The following APCDD1L variants were observed in gnomAD, a reference collection of about 807,000 sequenced individuals.
The protein encoded by APCDD1L is protein APCDD1-like.
APCDD1L carries 21 observed loss-of-function variants against 24.2 expected under a neutral mutation model. The ratio of observed to expected loss-of-function variants is 0.87; its 90% CI spans 0.61 to 1.25. The LOEUF (loss-of-function observed/expected upper bound fraction) is 1.25. Ranked by LOEUF, APCDD1L falls within the 50% of genes most tolerant of loss-of-function variation. The probability of loss-of-function intolerance (pLI) is 0.00; values close to 1 mark genes in which losing one functional copy is unlikely to be tolerated. For missense variants in APCDD1L, 704 were observed against 711.7 expected, an observed-to-expected ratio of 0.99 and a Z score of 0.12; for synonymous variants, 321 against 323.6, an observed-to-expected ratio of 0.99 and a Z score of 0.09.
At chr20:58,463,108 C>CCGCAG (rs1266495239) in intron 3 of APCDD1L, among the ~76,000 whole-genome samples, 2 of 141,608 alleles carry the variant, frequency 1.4e-5, no homozygotes, top group African/African-American at 2.7e-5. Flanking sequence ...TGCCACTGCA[C>CCGCAG]TCCAGCCTGG....
intron 2 of APCDD1L, among the ~76,000 whole-genome samples, chr20:58,468,029 C>T (rs956660194): frequency 3.3e-5 from 5 of 152,172 alleles, no homozygotes; most frequent in African/African-American, 9.7e-5. Context: ...CGCCCCACTC[C>T]CTCCCGCGTC....
rs1030881655 is a variant in APCDD1L, at chr20:58,501,571, C to T, written c.49+13088G>A. Among the ~76,000 whole-genome samples, 6 of 152,270 alleles carry T rather than the reference C, an allele frequency of 3.9e-5. No individual in the cohort carries two copies. In the East Asian group the frequency reaches 9.7e-4, roughly 25 times the overall value. ...CCAGAGCTGGGCAAGAAAGAATTTCCGATTTGTGTGAAGCCAGACAGTCTG... is the reference window on the plus strand; with the variant it reads ...CCAGAGCTGGGCAAGAAAGAATTTCTGATTTGTGTGAAGCCAGACAGTCTG... On this transcript the variant is annotated intron_variant, in intron 1 of 3. Coordinates refer to ENST00000371149, the MANE Select transcript of APCDD1L (RefSeq NM_153360.3).
rs1306970319 is a variant in APCDD1L, at chr20:58,459,422, CCA to C, written c.*1366_*1367del. The C allele has an allele frequency of 2.6e-5, 4 of 152,020 alleles. No individual in the cohort carries two copies. Among genetic ancestry groups the C allele is most frequent in the South Asian group, 2.1e-4 (1 of 4,824 alleles). The allele number at this position is 152,020 out of a possible 1,614,324, so 9.4% of individuals were successfully genotyped here. ...GCAATTTCAGCAGGCTGACTGAACCCCACACAGTCTCAGGGAGGAAAAGGGCT... is the reference window on the plus strand; with the variant it reads ...GCAATTTCAGCAGGCTGACTGAACCCCACAGTCTCAGGGAGGAAAAGGGCT... On this transcript the variant is annotated 3_prime_UTR_variant, in exon 4 of 4. Transcript: ENST00000371149.
intron 1 of APCDD1L, among the ~76,000 whole-genome samples, chr20:58,482,995 T>G (rs1990051255): frequency 6.6e-6 from 1 of 152,164 alleles, no homozygotes; most frequent in South Asian, 2.1e-4. Context: ...AAGCCAATTA[T>G]TCTGCCCAGT....
rs1031341117 is a variant in APCDD1L at position 58,467,947 on chromosome 20, G to C, written c.189-289C>G. On this transcript the variant is annotated intron_variant, in intron 2 of 3. Transcript: ENST00000371149. The surrounding 1 kb of genome is among the most constrained non-coding windows in gnomAD (Gnocchi z 5.9). ...GCCTTTTGCAACCACCTGGGGACCC[G>C]CTGGCCTGGGAGCTCCGGGATGCCC... 3.3e-5 allele frequency among the ~76,000 whole-genome samples: 5 copies of C among 152,112 alleles called. No homozygotes were observed. Among genetic ancestry groups the C allele is most frequent in the African/African-American group, 1.2e-4 (5 of 41,424 alleles).
chr20:58,470,423 C>T (rs184214647), intron 2 of APCDD1L, among the ~76,000 whole-genome samples, 186 bp downstream of exon 2: 34 of 152,330 alleles, frequency 2.2e-4, no homozygotes, highest in Admixed American at 2.1e-3. Context: ...GGACGTGATG[C>T]CCAACAGAGT....
chr20:58,504,467 C>T (rs548561497), intron 1 of APCDD1L, among the ~76,000 whole-genome samples: 108 of 152,280 alleles, frequency 7.1e-4, no homozygotes, highest in African/African-American at 2.2e-3. Context: ...AGCATCCTAG[C>T]CCAGTAGCGT....
intron 1 of APCDD1L, 54 bp from the exon 2 acceptor site, chr20:58,470,801 C>T (rs761038254): frequency 3.4e-6 from 5 of 1,487,344 alleles, no homozygotes; most frequent in Non-Finnish European, 4.5e-6. Flanking sequence ...GAACACCCAC[C>T]CCATCTGCCC....
chr20:58,475,145 A>T (rs1989882434), intron 1 of APCDD1L, among the ~76,000 whole-genome samples: 1 of 152,242 alleles, frequency 6.6e-6, no homozygotes, highest in South Asian at 2.1e-4. Flanking sequence ...AAGAGAGAAG[A>T]GGGTGGAGAA....
At chr20:58,474,918 C>T (rs370973618) in intron 1 of APCDD1L, among the ~76,000 whole-genome samples, 10 of 152,224 alleles carry the variant, frequency 6.6e-5, no homozygotes, top group East Asian at 5.8e-4. Flanking sequence ...ACAATGACTC[C>T]GCTTTCTGTC....
At chr20:58,468,454 T>A (rs1398086637) in intron 2 of APCDD1L, among the ~76,000 whole-genome samples, 1 of 152,114 alleles carries the variant, frequency 6.6e-6, no homozygotes, top group Admixed American at 6.6e-5. Context: ...AGGAGGCCTC[T>A]GGGACTTCCT....
At chr20:58,482,969 C>A (rs1990050839) in intron 1 of APCDD1L, among the ~76,000 whole-genome samples, 2 of 152,168 alleles carry the variant, frequency 1.3e-5, no homozygotes, top group South Asian at 4.1e-4. Flanking sequence ...TACAAGGGCT[C>A]AGGGTCTGAC....
At chr20:58,470,806 C>T in intron 1 of APCDD1L, 59 bp from the exon 2 acceptor site, 1 of 1,485,492 alleles carries the variant, frequency 6.7e-7, no homozygotes, top group Non-Finnish European at 8.9e-7. Context: ...CCCACCCCAT[C>T]TGCCCTCCCA....
rs749546345 is a variant in APCDD1L at position 58,460,892 on chromosome 20, G to A, written c.1404C>T (p.His468=). The change falls in exon 4 of 4, where the codon CAC becomes CAT. Residue 468 remains histidine, a synonymous_variant. Coordinates refer to ENST00000371149, the MANE Select transcript of APCDD1L (RefSeq NM_153360.3). The surrounding 1 kb of genome is among the most constrained non-coding windows in gnomAD (Gnocchi z 4.2). ...TGGGGTGCTTCTGCAGCGATGGCCT[G>A]TGCTGCGGTGGCCTGGAGAAGTCGG... is the stretch of plus-strand genomic sequence containing the variant. The part of the protein sequence containing the change: ...EAPDFSRPPQ[H]RPSLQKHPST... 2.5e-6 allele frequency: 4 copies of A among 1,606,710 alleles called. No individual in the cohort carries two copies. Among genetic ancestry groups the A allele is most frequent in the African/African-American group, 2.7e-5 (2 of 74,772 alleles).
chr20:58,476,363 G>A (rs1349165499), intron 1 of APCDD1L, among the ~76,000 whole-genome samples: 1 of 152,214 alleles, frequency 6.6e-6, no homozygotes, highest in East Asian at 1.9e-4. Context: ...GCTAATTTTT[G>A]TATTTTTAGT....
Position 58,462,167 on chromosome 20 carries a change from A to C in APCDD1L, c.742-613T>G, listed in dbSNP as rs117161134. 9.1e-3 allele frequency among the ~76,000 whole-genome samples: 1,389 copies of C among 152,302 alleles called. 20 individuals carry two copies. The highest frequency in any genetic ancestry group is 0.02 in the Middle Eastern group (6 of 294). On this transcript the variant is annotated intron_variant, in intron 3 of 3. Coordinates refer to ENST00000371149, the MANE Select transcript of APCDD1L (RefSeq NM_153360.3). ...AGAGAACTTGTCCTTGCTCATGCCCAGTCTGCTTGGTCCTGGAATTTGACC... is the reference window on the plus strand; with the variant it reads ...AGAGAACTTGTCCTTGCTCATGCCCCGTCTGCTTGGTCCTGGAATTTGACC...
intron 1 of APCDD1L, among the ~76,000 whole-genome samples, chr20:58,472,580 A>C (rs997788254): frequency 2.0e-5 from 3 of 152,244 alleles, no homozygotes; most frequent in African/African-American, 4.8e-5. Flanking sequence ...GTATGAGTAC[A>C]AATGCTGGTG....
At chr20:58,468,872 A>AT (rs1989765040) in intron 2 of APCDD1L, among the ~76,000 whole-genome samples, 1 of 152,000 alleles carries the variant, frequency 6.6e-6, no homozygotes, top group Admixed American at 6.6e-5. Context: ...TTTTCTTGAT[A>AT]TTTTTTTGTA....
chr20:58,500,825 C>A (rs1990421575), intron 1 of APCDD1L, among the ~76,000 whole-genome samples: 1 of 152,164 alleles, frequency 6.6e-6, no homozygotes, highest in East Asian at 1.9e-4. Flanking sequence ...GCTGCACTCC[C>A]CACTAGCCAG....
Sources: gnomAD v4.1 joint callset for allele counts (sites outside exome capture counted in the v4.1 genomes callset) on GRCh38, gnomAD v4.1.1 for gene constraint, Gnocchi (gnomAD v3.1) non-coding constraint, MANE v1.5 for transcripts, NCBI Gene and HGNC (gene_info 2026-07-23, HGNC 2026-07-21) for gene names.